Variants in DGKB observed in about 807,000 individuals in gnomAD.
The protein encoded by DGKB is diacylglycerol kinase beta, also known as 90 kDa diacylglycerol kinase.
DGKB carries 67 observed loss-of-function variants against 114.3 expected under a neutral mutation model. The observed-to-expected ratio is 0.59, with a 90% CI of 0.48 to 0.72. DGKB has a LOEUF of 0.72. Among genes scored for constraint, DGKB ranks in the 30% least tolerant of loss-of-function variants. The probability of loss-of-function intolerance (pLI) is 0.00; values close to 1 mark genes in which losing one functional copy is unlikely to be tolerated. For missense variants in DGKB, 907 were observed against 975.2 expected (o/e 0.93, Z 0.93); for synonymous variants, 398 against 323.1 (o/e 1.23, Z -2.49).
At chr7:14,238,433 T>G (rs1414284995) in intron 23 of DGKB, among the ~76,000 whole-genome samples, 1 of 152,034 alleles carries the variant, frequency 6.6e-6, no homozygotes, top group Middle Eastern at 3.2e-3. Context: ...TTTCTTTTCT[T>G]TATAAATTAT....
chr7:14,603,902 GA>G (rs1453221049), intron 17 of DGKB, among the ~76,000 whole-genome samples: 3 of 152,032 alleles, frequency 2.0e-5, no homozygotes, highest in African/African-American at 7.2e-5. Context: ...TTCAGAAGGG[GA>G]AAAGTAATGT....
At chr7:14,647,280 C>T (rs371666370) in intron 13 of DGKB, among the ~76,000 whole-genome samples, 1 of 152,016 alleles carries the variant, frequency 6.6e-6, no homozygotes, top group African/African-American at 2.4e-5. Flanking sequence ...AAAATCTGAA[C>T]AGACCAATTA....
intron 21 of DGKB, among the ~76,000 whole-genome samples, chr7:14,419,655 G>C (rs2067697): frequency 0.019 from 2,911 of 151,464 alleles, 77 homozygotes; most frequent in African/African-American, 0.067. Flanking sequence ...GACTGGAACT[G>C]ATAGTGTTCC....
At chr7:14,692,265 C>T (rs955797314) in intron 9 of DGKB, among the ~76,000 whole-genome samples, 3 of 152,108 alleles carry the variant, frequency 2.0e-5, no homozygotes, top group African/African-American at 4.8e-5. Context: ...ATCTCACCCT[C>T]GACTACCAGA....
At chr7:14,602,183 T>C (rs1803668863) in intron 17 of DGKB, among the ~76,000 whole-genome samples, 1 of 152,214 alleles carries the variant, frequency 6.6e-6, no homozygotes, top group South Asian at 2.1e-4. Context: ...AGAAATGTTT[T>C]GATATCACAG....
At chr7:14,273,338 C>CCTAT (rs1472107283) in intron 23 of DGKB, among the ~76,000 whole-genome samples, 1 of 151,264 alleles carries the variant, frequency 6.6e-6, no homozygotes, top group Admixed American at 6.6e-5. Flanking sequence ...AGAGCTAGAC[C>CCTAT]CTATCTTATA....
intron 25 of DGKB, among the ~76,000 whole-genome samples, chr7:14,172,707 C>T (rs991344867): frequency 6.6e-6 from 1 of 152,008 alleles, no homozygotes; most frequent in Non-Finnish European, 1.5e-5. Flanking sequence ...GTTCCTGAGG[C>T]TTTGAATAGT....
intron 1 of DGKB, among the ~76,000 whole-genome samples, chr7:14,958,426 A>AACACAC (rs754087921): frequency 0.099 from 12,155 of 122,684 alleles, 715 homozygotes; most frequent in East Asian, 0.17. Flanking sequence ...TACCTCTCCC[A>AACACAC]ACACACACAC....
intron 1 of DGKB, among the ~76,000 whole-genome samples, chr7:14,967,348 G>C (rs1284796713): frequency 6.6e-6 from 1 of 150,718 alleles, no homozygotes; most frequent in African/African-American, 2.4e-5. Flanking sequence ...TTTTTGAGAT[G>C]CAGTCTCTGT....
intron 1 of DGKB, among the ~76,000 whole-genome samples, chr7:14,970,842 A>T (rs1162672759): frequency 6.6e-6 from 1 of 152,116 alleles, no homozygotes; most frequent in Non-Finnish European, 1.5e-5. Flanking sequence ...CCAGCCATAG[A>T]CACCATTTCT....
At chr7:14,627,431 C>A (rs1408455308) in intron 14 of DGKB, among the ~76,000 whole-genome samples, 1 of 151,994 alleles carries the variant, frequency 6.6e-6, no homozygotes, top group Non-Finnish European at 1.5e-5. Flanking sequence ...TGATTTTATC[C>A]TGGGTATAAA....
intron 17 of DGKB, among the ~76,000 whole-genome samples, chr7:14,594,903 T>C (rs539045454): frequency 4.6e-5 from 7 of 152,104 alleles, no homozygotes; most frequent in Non-Finnish European, 7.4e-5. Context: ...TTAATTTAAA[T>C]GTAGTAACTG....
chr7:14,583,452 A>T (rs1800258583), intron 17 of DGKB, among the ~76,000 whole-genome samples: 1 of 152,118 alleles, frequency 6.6e-6, no homozygotes, highest in South Asian at 2.1e-4. Context: ...CCCAGATGTG[A>T]TTTGCAGTTC....
chr7:14,654,078 A>T (rs1207144693), intron 13 of DGKB, among the ~76,000 whole-genome samples: 1 of 152,114 alleles, frequency 6.6e-6, no homozygotes, highest in African/African-American at 2.4e-5. Context: ...CCAAATTGGA[A>T]AAGAGGATGT....
At chr7:14,928,779 A>G (rs1396611920) in intron 1 of DGKB, among the ~76,000 whole-genome samples, 1 of 151,792 alleles carries the variant, frequency 6.6e-6, no homozygotes, top group Non-Finnish European at 1.5e-5. Context: ...TCATCAGAAT[A>G]ATGTATATTG....
intron 23 of DGKB, among the ~76,000 whole-genome samples, chr7:14,323,953 T>C (rs1808277086): frequency 6.6e-6 from 1 of 152,220 alleles, no homozygotes; most frequent in Non-Finnish European, 1.5e-5. Flanking sequence ...GTTCAAGAAC[T>C]GAATTCCATT....
chr7:14,491,748 T>C (rs1784626722), intron 20 of DGKB, among the ~76,000 whole-genome samples: 2 of 152,138 alleles, frequency 1.3e-5, no homozygotes, highest in Admixed American at 1.3e-4. Context: ...ATTGATTCTT[T>C]TTAAATGATA....
At chr7:14,753,455 A>T (rs191978990) in intron 4 of DGKB, among the ~76,000 whole-genome samples, 83 of 152,298 alleles carry the variant, frequency 5.4e-4, no homozygotes, top group Non-Finnish European at 1.2e-4. Flanking sequence ...GGCAAAATCA[A>T]CAACTCTTTG....
At chr7:14,173,963 CTT>C (rs1458756268) in intron 25 of DGKB, among the ~76,000 whole-genome samples, 3 of 152,036 alleles carry the variant, frequency 2.0e-5, no homozygotes, top group South Asian at 4.1e-4. Flanking sequence ...AAATGAATGT[CTT>C]ATTACTTATT....
Sources: gnomAD v4.1 joint callset for allele counts (sites outside exome capture counted in the v4.1 genomes callset) on GRCh38, gnomAD v4.1.1 for gene constraint, MANE v1.5 for transcripts, NCBI Gene and HGNC (gene_info 2026-07-23, HGNC 2026-07-21) for gene names.